The following ZWINT variants were observed in gnomAD, a reference collection of about 807,000 sequenced individuals.
ZWINT encodes ZW10 interacting kinetochore protein.
Under a neutral mutation model 41.5 loss-of-function variants are expected in ZWINT, and 41 were observed. That is an observed-to-expected ratio of 0.99 (90% CI 0.77 to 1.28). The LOEUF is 1.28. Ranked by LOEUF, ZWINT falls within the 50% of genes most tolerant of loss-of-function variation. The probability of loss-of-function intolerance (pLI) is 0.00; values close to 1 mark genes in which losing one functional copy is unlikely to be tolerated. For missense variants in ZWINT, 369 were observed against 329.7 expected (o/e 1.12, Z -0.92); for synonymous variants, 132 against 126.8 (o/e 1.04, Z -0.28).
Position 56,357,844 on chromosome 10 carries a change from T to C in ZWINT, c.*383A>G, listed in dbSNP as rs1838205240. 5.8e-6 allele frequency: 2 copies of C among 347,818 alleles called. No individual in the cohort carries two copies. Among genetic ancestry groups the C allele is most frequent in the Non-Finnish European group, 1.1e-5 (2 of 176,864 alleles). The allele number at this position is 347,818 out of a possible 1,614,324, so 21.5% of individuals were successfully genotyped here. A position where few individuals can be genotyped will look rare whatever the true frequency, so the allele number is the denominator to read the frequency against. ...ACATTTGGATCCATGAATAAAATTA[T>C]CTTCCCACATATAACCACCTGCCTA... is the stretch of plus-strand genomic sequence containing the variant. On this transcript the variant is annotated 3_prime_UTR_variant, in exon 9 of 9. Transcript: ENST00000373944.
chr10:56,359,702 C>T lies in ZWINT; in HGVS notation c.408G>A (p.Glu136=). The T allele has an allele frequency of 1.9e-6, 3 of 1,614,212 alleles. No homozygotes were observed. Among genetic ancestry groups the T allele is most frequent in the Non-Finnish European group, 2.5e-6 (3 of 1,180,044 alleles). The change falls in exon 4 of 9, where the codon GAG becomes GAA. Residue 136 remains glutamate, a synonymous_variant. Transcript: ENST00000373944. ...RKRTQLREAF[E]QLQAKKQMAM... is the part of the protein sequence containing the mutation. ...CTGGGTGTACCTTGGCCTGGAGCTG[C>T]TCAAAGGCTTCCCGGAGTTGTGTCC...
At position 56,358,003 on chromosome 10, in the gene ZWINT, T is replaced by C; in HGVS notation, c.*224A>G. On this transcript the variant is annotated 3_prime_UTR_variant, in exon 9 of 9. Coordinates refer to ENST00000373944, the MANE Select transcript of ZWINT (RefSeq NM_007057.4). ...TCCTGTCATGTTATTGGCTTCTGAG[T>C]ATCTGTATTAATAGTTGTTCCTGCC... 1.4e-5 allele frequency: 7 copies of C among 510,084 alleles called. No individual in the cohort carries two copies. In the East Asian group the frequency reaches 3.9e-4, roughly 29 times the overall value. The allele number at this position is 510,084 out of a possible 1,614,324, so 31.6% of individuals were successfully genotyped here.
In ZWINT at chr10:56,358,935, G is replaced by A; in HGVS notation, c.493C>T (p.Gln165Ter). The A allele has an allele frequency of 1.2e-6, 2 of 1,614,100 alleles. No individual in the cohort carries two copies. The highest frequency in any genetic ancestry group is 1.7e-6 in the Non-Finnish European group (2 of 1,180,012). The change falls in exon 6 of 9, where the codon CAG (glutamine) becomes TAG (stop). Residue 165 changes from glutamine to a stop codon, truncating the protein, a stop_gained. Coordinates refer to ENST00000373944, the MANE Select transcript of ZWINT (RefSeq NM_007057.4). LOFTEE classifies it high-confidence loss of function. ...QWQLQQEKHL[Q>*]HLAEVSAEVR... Reference sequence around the variant, plus strand: ...TCTGCAGAAACCTCCGCCAGATGCTGCAGATGCTTCTCCTGCCAGGAGTGA... The same window carrying A: ...TCTGCAGAAACCTCCGCCAGATGCTACAGATGCTTCTCCTGCCAGGAGTGA...
In ZWINT at chr10:56,359,737, G is replaced by A; in HGVS notation, c.373C>T (p.Gln125Ter). The A allele has an allele frequency of 6.2e-7, 1 of 1,614,092 alleles. No individual in the cohort carries two copies. The highest frequency in any genetic ancestry group is 1.1e-5 in the South Asian group (1 of 91,074). The change falls in exon 4 of 9, where the codon CAG (glutamine) becomes TAG (stop). Residue 125 changes from glutamine to a stop codon, truncating the protein, a stop_gained. Coordinates refer to ENST00000373944, the MANE Select transcript of ZWINT (RefSeq NM_007057.4). LOFTEE classifies it high-confidence loss of function. ...TCCCGGAGTTGTGTCCGTTTCCTCT[G>A]GGCTTCCTCCATCTGAGTCAGGGCC... ...TKALTQMEEA[Q>*]RKRTQLREAF... is the part of the protein sequence containing the mutation.
At chr10:56,359,981 T>C in intron 3 of ZWINT, 37 bp downstream of exon 3, 1 of 1,610,376 alleles carries the variant, frequency 6.2e-7, no homozygotes, top group Non-Finnish European at 8.5e-7. Flanking sequence ...CCTTCCCCAC[T>C]CAGGTCAGCT....
intron 5 of ZWINT, 26 bp from the exon 6 acceptor site, chr10:56,358,973 T>A: frequency 6.2e-7 from 1 of 1,612,338 alleles, no homozygotes; most frequent in Non-Finnish European, 8.5e-7. Context: ...ATGCAGACAT[T>A]ATGCATCAGA....
rs758885193 is a variant in ZWINT, at chr10:56,359,673, AC to A, written c.423+13del. 3.1e-6 allele frequency: 5 copies of A among 1,613,692 alleles called. No homozygotes were observed. The Admixed American group carries it at 8.3e-5, about 27-fold the overall frequency. ...CTGCCCTTCCCTCCCTGTACTCAAG[AC>A]CCCTGGGTGTACCTTGGCCTGGAGC... On this transcript the variant is annotated intron_variant, in intron 4 of 8. Coordinates refer to ENST00000373944, the MANE Select transcript of ZWINT (RefSeq NM_007057.4).
intron 1 of ZWINT, 146 bp from the exon 2 acceptor site, chr10:56,360,529 T>G: frequency 1.4e-6 from 1 of 702,548 alleles, no homozygotes; most frequent in Non-Finnish European, 2.4e-6. Flanking sequence ...CACAAGGGCC[T>G]GAAGGGTCCA....
rs892300649 is a variant in ZWINT at position 56,357,785 on chromosome 10, G to A, written c.*442C>T. 5 of 329,390 alleles carry A rather than the reference G, an allele frequency of 1.5e-5. No individual in the cohort carries two copies. The highest frequency in any genetic ancestry group is 8.3e-5 in the East Asian group (1 of 12,012). The allele number at this position is 329,390 out of a possible 1,614,324, so 20.4% of individuals were successfully genotyped here. ...CTCACTGTTATAATTCTGGTTCACC[G>A]CAAGAACCTTAGCACAAAGAAAGGA... On this transcript the variant is annotated 3_prime_UTR_variant, in exon 9 of 9. Coordinates refer to ENST00000373944, the MANE Select transcript of ZWINT (RefSeq NM_007057.4).
At position 56,358,615 on chromosome 10, in the gene ZWINT, G is replaced by A. The variant is rs369226790; in HGVS notation, c.733C>T (p.Arg245Ter). 20 of 1,613,952 alleles carry A rather than the reference G, an allele frequency of 1.2e-5. No individual in the cohort carries two copies. Among genetic ancestry groups the A allele is most frequent in the Admixed American group, 6.7e-5 (4 of 59,998 alleles). The stretch of plus-strand genomic sequence containing the variant: ...TCTCCTGTACTCTGCTCCTGGGGTC[G>A]AGTCGGCTGCTGGGGTTTATCATCT... The part of the protein sequence containing the change: ...LPDDKPQQPT[R>*]PQEQSTGDTM... The change falls in exon 7 of 9, where the codon CGA becomes TGA. Residue 245 changes from arginine (R) to a stop codon, truncating the protein, a stop_gained. Coordinates refer to ENST00000373944, the MANE Select transcript of ZWINT (RefSeq NM_007057.4). LOFTEE classifies it high-confidence loss of function.
In ZWINT at chr10:56,357,367, A is replaced by G. The variant is rs891038993; in HGVS notation, c.*860T>C. 11 of 152,210 alleles carry G rather than the reference A, an allele frequency of 7.2e-5. No homozygotes were observed. The highest frequency in any genetic ancestry group is 2.6e-4 in the Admixed American group (4 of 15,286). The allele number at this position is 152,210 out of a possible 1,614,324, so 9.4% of individuals were successfully genotyped here. A position where few individuals can be genotyped will look rare whatever the true frequency, so the allele number is the denominator to read the frequency against. On this transcript the variant is annotated 3_prime_UTR_variant, in exon 9 of 9. Coordinates refer to ENST00000373944, the MANE Select transcript of ZWINT (RefSeq NM_007057.4). ...ATTTTTCAAAGAAATTTATGAATCA[A>G]TGAAATAATTATAACAGAATATAGG...
chr10:56,359,640 C>A (rs1220058307), intron 4 of ZWINT, 47 bp downstream of exon 4: 2 of 1,610,492 alleles, frequency 1.2e-6, no homozygotes, highest in African/African-American at 2.7e-5. Flanking sequence ...TTCCCTCTTC[C>A]TTTCTAACTG....
rs1838292135 is a variant in ZWINT at position 56,360,191 on chromosome 10, T to C, written c.133-50A>G. The C allele has an allele frequency of 2.5e-6, 4 of 1,612,262 alleles. No individual in the cohort carries two copies. The African/African-American group carries it at 4.0e-5, about 16-fold the overall frequency. On this transcript the variant is annotated intron_variant, in intron 2 of 8. Coordinates refer to ENST00000373944, the MANE Select transcript of ZWINT (RefSeq NM_007057.4). ...GGGAACATCCTTACCTCCTTACAGG[T>C]TTCCTTAAGTCTGCTCTCTGCCAGT...
At position 56,360,010 on chromosome 10, in the gene ZWINT, C is replaced by A; in HGVS notation, c.256+8G>T. The A allele has an allele frequency of 6.2e-7, 1 of 1,613,918 alleles. No homozygotes were observed. Among genetic ancestry groups the A allele is most frequent in the Non-Finnish European group, 8.5e-7 (1 of 1,179,908 alleles). On this transcript the variant is annotated splice_region_variant and intron_variant, in intron 3 of 8. Coordinates refer to ENST00000373944, the MANE Select transcript of ZWINT (RefSeq NM_007057.4). ...GTCAGCTGCTACTACAATCCCCTGC[C>A]TACTCACGGCTCGTGTCTTCAGAAG...
Position 56,357,876 on chromosome 10 carries a change from TCTC to T in ZWINT, c.*348_*350del. On this transcript the variant is annotated 3_prime_UTR_variant, in exon 9 of 9. Transcript: ENST00000373944. ...ACATATAACCACCTGCCTAAAACATTCTCCTCCTCCTTGAATTAAATTCACCAT... is the reference window on the plus strand; with the variant it reads ...ACATATAACCACCTGCCTAAAACATTCTCCTCCTTGAATTAAATTCACCAT... 2.8e-6 allele frequency: 1 copy of T among 355,380 alleles called. No individual in the cohort carries two copies. The highest frequency in any genetic ancestry group is 2.1e-5 in the South Asian group (1 of 47,768). The allele number at this position is 355,380 out of a possible 1,614,324, so 22.0% of individuals were successfully genotyped here.
rs1054073211 is a variant in ZWINT at position 56,359,792 on chromosome 10, G to A, written c.318C>T (p.His106=). 9 of 1,613,950 alleles carry A rather than the reference G, an allele frequency of 5.6e-6. No individual in the cohort carries two copies. The highest frequency in any genetic ancestry group is 4.0e-5 in the African/African-American group (3 of 74,894). The change falls in exon 4 of 9, where the codon CAC becomes CAT. Residue 106 remains histidine, a synonymous_variant. Coordinates refer to ENST00000373944, the MANE Select transcript of ZWINT (RefSeq NM_007057.4). ...TGAGGCCAATTTTGATGGCCTCTAC[G>A]TGCTCCCTGTAGGTGGCCTTCAGCT... ...WKELKATYRE[H]VEAIKIGLTK...
At chr10:56,360,842 AGG>A (rs1838315078) in intron 1 of ZWINT, among the ~76,000 whole-genome samples, 31 of 152,256 alleles carry the variant, frequency 2.0e-4, no homozygotes, top group African/African-American at 7.2e-4. Flanking sequence ...GGTCTACTCT[AGG>A]GTTTTTCATT....
rs948072971 is a variant in ZWINT, at chr10:56,357,450, T to C, written c.*777A>G. The C allele has an allele frequency of 6.6e-6, 1 of 152,228 alleles. No individual in the cohort carries two copies. Among genetic ancestry groups the C allele is most frequent in the East Asian group, 1.9e-4 (1 of 5,194 alleles). 9.4% of individuals were successfully genotyped at this position (152,228 alleles called of 1,614,324 possible). On this transcript the variant is annotated 3_prime_UTR_variant, in exon 9 of 9. Coordinates refer to ENST00000373944, the MANE Select transcript of ZWINT (RefSeq NM_007057.4). ...AGGAAGTCAGAAGAAATGTATAACCTTAAATATTTATTTGAGAAAACAAAT... is the reference window on the plus strand; with the variant it reads ...AGGAAGTCAGAAGAAATGTATAACCCTAAATATTTATTTGAGAAAACAAAT...
chr10:56,358,756 A>T, intron 6 of ZWINT, 32 bp from the exon 7 acceptor site: 1 of 1,613,976 alleles, frequency 6.2e-7, no homozygotes, highest in Non-Finnish European at 8.5e-7. Flanking sequence ...GAAGGAAAGG[A>T]ATCTCAGCTG....
Sources: allele counts gnomAD v4.1 joint callset (sites outside exome capture counted in the v4.1 genomes callset), GRCh38; gene constraint gnomAD v4.1.1; transcripts MANE v1.5; gene names NCBI Gene and HGNC (gene_info 2026-07-23, HGNC 2026-07-21).